The following MACROD1 variants were observed in gnomAD, a reference collection of about 807,000 sequenced individuals.
The protein encoded by MACROD1 is ADP-ribose glycohydrolase MACROD1.
In MACROD1, 31 loss-of-function variants were observed where a neutral mutation model predicts 41.4. The ratio of observed to expected loss-of-function variants is 0.75; its 90% CI spans 0.56 to 1.01. The LOEUF (loss-of-function observed/expected upper bound fraction) is 1.01. Among genes scored for constraint, MACROD1 ranks in the 50% least tolerant of loss-of-function variants. MACROD1 has a pLI of 0.00. For synonymous variants in MACROD1, 252 were observed against 203.4 expected (o/e 1.24, Z -2.03); for missense variants, 473 against 460.0 (o/e 1.03, Z -0.26).
rs551778081 is a variant in MACROD1 at position 64,133,504 on chromosome 11, C to T, written c.517+17735G>A. 4.7e-3 allele frequency among the ~76,000 whole-genome samples: 713 copies of T among 152,266 alleles called. 4 individuals carry two copies. The highest frequency in any genetic ancestry group is 8.8e-3 in the Non-Finnish European group (596 of 68,012). Reference sequence around the variant, plus strand: ...GGCCGTGTGAAGTGTGGCTCGCGTTCTCTCCCTTGATCTCCTCCTAAAAGG... The same window carrying T: ...GGCCGTGTGAAGTGTGGCTCGCGTTTTCTCCCTTGATCTCCTCCTAAAAGG... On this transcript the variant is annotated intron_variant, in intron 3 of 10. Coordinates refer to ENST00000255681, the MANE Select transcript of MACROD1 (RefSeq NM_014067.4).
chr11:64,078,543 T>C (rs545687519), intron 3 of MACROD1, among the ~76,000 whole-genome samples: 3 of 152,300 alleles, frequency 2.0e-5, no homozygotes, highest in Admixed American at 6.5e-5. Flanking sequence ...GGGAGCTGTC[T>C]GGGTGGGCAG....
Position 64,117,815 on chromosome 11 carries a change from C to T in MACROD1, c.517+33424G>A, listed in dbSNP as rs947939. ...TCACCATGGAGACCAGCAATGCCTA[C>T]GTAGCTGATGAGACACCCGTGTGTG... On this transcript the variant is annotated intron_variant, in intron 3 of 10. Transcript: ENST00000255681. 230,513 of 1,614,098 alleles carry T rather than the reference C, an allele frequency of 0.14. 18,027 individuals carry two copies. Among genetic ancestry groups the T allele is most frequent in the Non-Finnish European group, 0.16 (194,260 of 1,179,986 alleles).
At chr11:64,005,322 C>T (rs1336994792) in intron 4 of MACROD1, among the ~76,000 whole-genome samples, 1 of 152,230 alleles carries the variant, frequency 6.6e-6, no homozygotes, top group East Asian at 1.9e-4. Context: ...GCCACCGCGC[C>T]CGGCCAAGAC....
At position 63,998,818 on chromosome 11, in the gene MACROD1, C is replaced by A. The variant is rs757326560; in HGVS notation, c.*30+20G>T. ...TTAGTCTAGGGCCGGGGCCGCCGCA[C>A]GGGGCGAGGCCCTGCTTACCAGTCC... On this transcript the variant is annotated intron_variant, in intron 10 of 10. Coordinates refer to ENST00000255681, the MANE Select transcript of MACROD1 (RefSeq NM_014067.4). The A allele has an allele frequency of 5.3e-6, 8 of 1,516,666 alleles. No homozygotes were observed. The highest frequency in any genetic ancestry group is 6.2e-6 in the Non-Finnish European group (7 of 1,136,884). The allele number at this position is 1,516,666 out of a possible 1,614,324, so 94.0% of individuals were successfully genotyped here.
intron 1 of MACROD1, 45 bp from the exon 2 acceptor site, chr11:64,152,438 G>C (rs748406076): frequency 3.4e-6 from 5 of 1,483,040 alleles, no homozygotes; most frequent in South Asian, 1.1e-5. Flanking sequence ...AGAGGAACGG[G>C]CCTGGGGCTT....
At chr11:64,078,112 G>A (rs1213784802) in intron 3 of MACROD1, among the ~76,000 whole-genome samples, 3 of 152,172 alleles carry the variant, frequency 2.0e-5, no homozygotes, top group African/African-American at 4.8e-5. Context: ...CTGCCGGCTT[G>A]GGGCTGCAGG....
At chr11:64,066,433 C>T (rs1565216935) in intron 3 of MACROD1, among the ~76,000 whole-genome samples, 1 of 151,126 alleles carries the variant, frequency 6.6e-6, no homozygotes, top group South Asian at 2.1e-4. Flanking sequence ...GGCAACAAAG[C>T]AAGAACCCCG....
intron 4 of MACROD1, chr11:64,001,306 C>A: frequency 1.6e-6 from 1 of 638,920 alleles, no homozygotes; most frequent in South Asian, 1.8e-5. Context: ...GACAGCGACC[C>A]TCCCACAGAG....
At chr11:64,138,473 C>T (rs2134673737) in intron 3 of MACROD1, 4 of 981,158 alleles carry the variant, frequency 4.1e-6, no homozygotes, top group South Asian at 4.7e-5. Context: ...CCTGTTTCTC[C>T]TCAACGTCCT....
At chr11:64,076,117 G>A (rs1438838699) in intron 3 of MACROD1, among the ~76,000 whole-genome samples, 1 of 152,162 alleles carries the variant, frequency 6.6e-6, no homozygotes, top group Non-Finnish European at 1.5e-5. Context: ...GCACAGGCTG[G>A]CCCTGCCAGT....
At chr11:64,126,478 T>C (rs1373028941) in intron 3 of MACROD1, among the ~76,000 whole-genome samples, 1 of 152,164 alleles carries the variant, frequency 6.6e-6, no homozygotes, top group African/African-American at 2.4e-5. Flanking sequence ...GAAAGTTATC[T>C]GAAAGAGCCC....
intron 3 of MACROD1, chr11:64,116,143 G>A: frequency 1.4e-6 from 2 of 1,414,206 alleles, no homozygotes; most frequent in Non-Finnish European, 1.9e-6. Flanking sequence ...TGGCAGGTGG[G>A]AGGGAATGCA....
intron 1 of MACROD1, among the ~76,000 whole-genome samples, chr11:64,156,936 T>C (rs1945677400): frequency 6.6e-6 from 1 of 152,168 alleles, no homozygotes; most frequent in African/African-American, 2.4e-5. Flanking sequence ...CTGCACTGGT[T>C]TCTGATTTAT....
At chr11:64,136,643 C>T (rs1945336795) in intron 3 of MACROD1, among the ~76,000 whole-genome samples, 2 of 152,220 alleles carry the variant, frequency 1.3e-5, no homozygotes, top group African/African-American at 2.4e-5. Context: ...GGCAGACCCA[C>T]CGGAGAGGGT....
intron 3 of MACROD1, among the ~76,000 whole-genome samples, chr11:64,039,709 G>C (rs1943449188): frequency 6.6e-6 from 1 of 152,220 alleles, no homozygotes; most frequent in Non-Finnish European, 1.5e-5. Flanking sequence ...GTGTTTGCCT[G>C]TTTACCATCG....
chr11:64,108,359 G>A (rs1195055522), intron 3 of MACROD1, among the ~76,000 whole-genome samples: 5 of 151,814 alleles, frequency 3.3e-5, no homozygotes, highest in African/African-American at 1.2e-4. Context: ...CCCCACAGTA[G>A]GCTGAGCAGC....
rs936232422 is a variant in MACROD1, at chr11:64,096,755, G to A, written c.517+54484C>T. Among the ~76,000 whole-genome samples the A allele has an allele frequency of 6.6e-6, 1 of 152,190 alleles. No individual in the cohort carries two copies. The highest frequency in any genetic ancestry group is 6.5e-5 in the Admixed American group (1 of 15,278). ...GTGCCTAGAGTTGCTCTGTGAAGGG[G>A]CAGGCTCTGGCCGCAGTGCCCCTCC... is the stretch of plus-strand genomic sequence containing the variant. On this transcript the variant is annotated intron_variant, in intron 3 of 10. Coordinates refer to ENST00000255681, the MANE Select transcript of MACROD1 (RefSeq NM_014067.4). The surrounding 1 kb of genome is among the most constrained non-coding windows in gnomAD (Gnocchi z 4.6).
At chr11:64,161,291 G>A (rs949337884) in intron 1 of MACROD1, among the ~76,000 whole-genome samples, 2 of 152,178 alleles carry the variant, frequency 1.3e-5, no homozygotes, top group African/African-American at 2.4e-5. Context: ...TAACAAGGAC[G>A]AACTGGCCGG....
At chr11:64,015,894 A>G (rs1943074953) in intron 3 of MACROD1, among the ~76,000 whole-genome samples, 1 of 152,196 alleles carries the variant, frequency 6.6e-6, no homozygotes, top group Non-Finnish European at 1.5e-5. Flanking sequence ...GAGCGCTGCC[A>G]CTGGAGCCAA....
Sources: gnomAD v4.1 joint callset for allele counts (sites outside exome capture counted in the v4.1 genomes callset) on GRCh38, gnomAD v4.1.1 for gene constraint, Gnocchi (gnomAD v3.1) non-coding constraint, MANE v1.5 for transcripts, NCBI Gene and HGNC (gene_info 2026-07-23, HGNC 2026-07-21) for gene names.